EDC3: variants seen among roughly 807,000 people sequenced by gnomAD.
The protein encoded by EDC3 is enhancer of mRNA-decapping protein 3.
A neutral mutation model predicts 41.8 loss-of-function variants in EDC3; 20 were observed. The ratio of observed to expected loss-of-function variants is 0.48; its 90% CI spans 0.34 to 0.70. The LOEUF (loss-of-function observed/expected upper bound fraction) is 0.70. EDC3 is among the 30% of genes least tolerant of loss of function. EDC3 has a pLI of 0.01. For synonymous variants in EDC3, 206 were observed against 243.2 expected (o/e 0.85, Z 1.42); for missense variants, 444 against 636.8 (o/e 0.70, Z 3.26).
At chr15:74,669,026 A>C (rs1335771958) in intron 3 of EDC3, among the ~76,000 whole-genome samples, 1 of 152,150 alleles carries the variant, frequency 6.6e-6, no homozygotes, top group African/African-American at 2.4e-5. Context: ...AACTGAGGTC[A>C]TGAGTTCGAA....
chr15:74,671,797 G>A lies in EDC3; in HGVS notation c.165-23C>T. 6.2e-7 allele frequency: 1 copy of A among 1,606,084 alleles called. No individual in the cohort carries two copies. Among genetic ancestry groups the A allele is most frequent in the Non-Finnish European group, 8.5e-7 (1 of 1,174,020 alleles). On this transcript the variant is annotated intron_variant, in intron 2 of 6. Transcript: ENST00000315127. The surrounding 1 kb of genome is among the most constrained non-coding windows in gnomAD (Gnocchi z 4.6). ...GCCCTGAAATACACAAAAAAGCCAAGTCTCAAAATTATAATAGTGGTAAGA... is the reference window on the plus strand; with the variant it reads ...GCCCTGAAATACACAAAAAAGCCAAATCTCAAAATTATAATAGTGGTAAGA...
intron 3 of EDC3, among the ~76,000 whole-genome samples, chr15:74,663,810 G>A (rs1327864281): frequency 6.6e-6 from 1 of 152,014 alleles, no homozygotes. Context: ...ATGACTAGCT[G>A]TAAAGTTCGT....
chr15:74,642,677 G>A (rs2062368355), intron 4 of EDC3: 1 of 152,220 alleles, frequency 6.6e-6, no homozygotes. Context: ...AGGGCAGTGA[G>A]TCTTGGGCCT....
intron 1 of EDC3, among the ~76,000 whole-genome samples, chr15:74,686,524 C>T (rs1030564468): frequency 6.6e-6 from 1 of 151,762 alleles, no homozygotes; most frequent in African/African-American, 2.4e-5. Flanking sequence ...GTGGCTCACT[C>T]CTATAATCCC....
At chr15:74,652,840 G>A (rs1352255728) in intron 4 of EDC3, among the ~76,000 whole-genome samples, 1 of 148,680 alleles carries the variant, frequency 6.7e-6, no homozygotes, top group African/African-American at 2.5e-5. Flanking sequence ...TTGGCCTCCC[G>A]AAGTGCTGGG....
chr15:74,653,477 A>G (rs1186002238), intron 4 of EDC3, among the ~76,000 whole-genome samples: 2 of 152,180 alleles, frequency 1.3e-5, no homozygotes, highest in Admixed American at 6.5e-5. Context: ...GCTCAGTAAG[A>G]TAACTGCCTG....
At chr15:74,639,715 A>C (rs1460506059) in intron 5 of EDC3, 1 of 128,204 alleles carries the variant, frequency 7.8e-6, no homozygotes, top group Non-Finnish European at 1.7e-5. Context: ...AACCTGTCTC[A>C]AAAAAAAAAA....
At chr15:74,683,609 T>C (rs1281840242) in intron 1 of EDC3, among the ~76,000 whole-genome samples, 1 of 152,074 alleles carries the variant, frequency 6.6e-6, no homozygotes, top group Non-Finnish European at 1.5e-5. Context: ...AGTGATACTG[T>C]ATTACAGTTT....
At chr15:74,685,434 T>G (rs910183304) in intron 1 of EDC3, among the ~76,000 whole-genome samples, 2 of 150,676 alleles carry the variant, frequency 1.3e-5, no homozygotes, top group Non-Finnish European at 2.9e-5. Flanking sequence ...GATAGATAGA[T>G]AGTGTGTGTG....
At chr15:74,666,348 T>C (rs527384402) in intron 3 of EDC3, among the ~76,000 whole-genome samples, 1 of 145,474 alleles carries the variant, frequency 6.9e-6, no homozygotes, top group East Asian at 1.9e-4. Flanking sequence ...TACTGCCCTA[T>C]GATCTCTTTA....
chr15:74,637,382 A>G (rs1056008143), intron 5 of EDC3: 1 of 152,210 alleles, frequency 6.6e-6, no homozygotes, highest in African/African-American at 2.4e-5. Flanking sequence ...AAGCCACTTA[A>G]TGGTCTCAAA....
intron 4 of EDC3, among the ~76,000 whole-genome samples, chr15:74,653,655 C>T (rs62005809): frequency 0.033 from 5,078 of 152,230 alleles, 134 homozygotes; most frequent in Non-Finnish European, 0.051. Context: ...TACCACAAGA[C>T]GCCACACCCA....
intron 4 of EDC3, among the ~76,000 whole-genome samples, chr15:74,654,458 A>T (rs1169961091): frequency 1.3e-5 from 2 of 152,200 alleles, no homozygotes; most frequent in African/African-American, 4.8e-5. Context: ...GACTTAACAG[A>T]TGATAACTGC....
At chr15:74,693,378 GCTTC>G (rs1012151015) in intron 1 of EDC3, among the ~76,000 whole-genome samples, 38 of 152,132 alleles carry the variant, frequency 2.5e-4, no homozygotes, top group African/African-American at 9.2e-4. Flanking sequence ...ATTTATACAT[GCTTC>G]CTTCATTTCA....
intron 4 of EDC3, among the ~76,000 whole-genome samples, chr15:74,648,867 G>A (rs74455512): frequency 0.024 from 3,643 of 152,208 alleles, 151 homozygotes; most frequent in African/African-American, 0.083. Context: ...AGTCTACCCA[G>A]AAGGAAAGGC....
intron 5 of EDC3, chr15:74,639,676 C>T (rs2062323336): frequency 6.7e-6 from 1 of 150,314 alleles, no homozygotes; most frequent in South Asian, 2.1e-4. Context: ...GATTGTGCCA[C>T]TGTGCTCCAG....
intron 3 of EDC3, among the ~76,000 whole-genome samples, chr15:74,658,915 G>A (rs922440558): frequency 6.6e-6 from 1 of 152,048 alleles, no homozygotes; most frequent in Admixed American, 6.6e-5. Context: ...CTCCAGCCTG[G>A]GTGACAGAGT....
intron 3 of EDC3, among the ~76,000 whole-genome samples, chr15:74,660,048 G>GA (rs977602048): frequency 4.8e-5 from 7 of 145,820 alleles, no homozygotes; most frequent in African/African-American, 1.3e-4. Context: ...TGTCTCAAAA[G>GA]AAAAAAAAAT....
At chr15:74,675,329 ATAT>A (rs774259660) in intron 1 of EDC3, among the ~76,000 whole-genome samples, 187 bp from the exon 2 acceptor site, 10 of 152,158 alleles carry the variant, frequency 6.6e-5, no homozygotes, top group Admixed American at 2.6e-4. Flanking sequence ...TTAAAAAATA[ATAT>A]TATTTAATAC....
Sources: gnomAD v4.1 joint callset for allele counts (sites outside exome capture counted in the v4.1 genomes callset) on GRCh38, gnomAD v4.1.1 for gene constraint, Gnocchi (gnomAD v3.1) non-coding constraint, MANE v1.5 for transcripts, NCBI Gene and HGNC (gene_info 2026-07-23, HGNC 2026-07-21) for gene names.